Variants in WARS2 observed in about 807,000 individuals in gnomAD.
The protein encoded by WARS2 is tryptophanyl tRNA synthetase 2, mitochondrial, also known as tryptophan--tRNA ligase, mitochondrial.
A neutral mutation model predicts 36.5 loss-of-function variants in WARS2; 28 were observed. The ratio of observed to expected loss-of-function variants is 0.77; its 90% CI spans 0.57 to 1.05. WARS2 has a LOEUF of 1.05. WARS2 is among the 50% of genes least tolerant of loss of function. WARS2 has a pLI of 0.00. For missense variants in WARS2, 435 were observed against 456.8 expected, an observed-to-expected ratio of 0.95 and a Z score of 0.44; for synonymous variants, 174 against 178.4, an observed-to-expected ratio of 0.98 and a Z score of 0.20.
At chr1:119,071,395 A>G (rs2101283216) in intron 2 of WARS2, among the ~76,000 whole-genome samples, 1 of 152,344 alleles carries the variant, frequency 6.6e-6, no homozygotes, top group African/African-American at 2.4e-5. Flanking sequence ...CTGTACTCTC[A>G]TGTTTATTGC....
At chr1:119,042,202 A>G in intron 4 of WARS2, 62 bp downstream of exon 4, 1 of 1,498,484 alleles carries the variant, frequency 6.7e-7, no homozygotes. Context: ...TGTATTGAAT[A>G]GGTTAAAACA....
At chr1:119,079,406 GA>G (rs928704677) in intron 1 of WARS2, among the ~76,000 whole-genome samples, 13 of 150,854 alleles carry the variant, frequency 8.6e-5, no homozygotes, top group East Asian at 1.9e-4. Context: ...AGTCTCAAGA[GA>G]AAAAAAAACC....
At chr1:119,115,990 T>G (rs1654939941) in intron 1 of WARS2, among the ~76,000 whole-genome samples, 1 of 152,192 alleles carries the variant, frequency 6.6e-6, no homozygotes, top group Non-Finnish European at 1.5e-5. Flanking sequence ...AAAGGCTGAT[T>G]TCAGAATTGA....
In WARS2 at chr1:119,137,467, T is replaced by C. The variant is rs12042797; in HGVS notation, c.90+3088A>G. ...CCGCTAATAATGAAACATGTTCAAC[T>C]GCAATAAAATGTGGACACTTTATCA... On this transcript the variant is annotated intron_variant, in intron 1 of 5. Transcript: ENST00000235521. 4.3e-3 allele frequency among the ~76,000 whole-genome samples: 658 copies of C among 152,328 alleles called. 36 individuals are homozygous for C. In the East Asian group the frequency reaches 0.11, roughly 26 times the overall value.
chr1:119,035,294 A>T lies in WARS2; in HGVS notation c.516-1081T>A, dbSNP rs368678339. Among the ~76,000 whole-genome samples the T allele has an allele frequency of 8.5e-5, 13 of 152,298 alleles. No individual in the cohort carries two copies. In the East Asian group the frequency reaches 2.5e-3, roughly 29 times the overall value. ...TTATACCTGATAATACAAGTAATAC[A>T]GTGCGCTGAGGTTTTTTTAATCAAA... On this transcript the variant is annotated intron_variant, in intron 4 of 5. Transcript: ENST00000235521.
intron 1 of WARS2, among the ~76,000 whole-genome samples, chr1:119,079,299 T>G (rs1391125198): frequency 6.6e-6 from 1 of 152,198 alleles, no homozygotes; most frequent in Non-Finnish European, 1.5e-5. Context: ...TCTTGGAACC[T>G]GCTAAAGTGA....
At chr1:119,069,944 A>G (rs1651165455) in intron 2 of WARS2, among the ~76,000 whole-genome samples, 1 of 152,162 alleles carries the variant, frequency 6.6e-6, no homozygotes, top group Non-Finnish European at 1.5e-5. Context: ...GTATGTAGGC[A>G]GGGGACAGAA....
At chr1:119,035,713 C>A (rs1200508610) in intron 4 of WARS2, among the ~76,000 whole-genome samples, 1 of 152,094 alleles carries the variant, frequency 6.6e-6, no homozygotes, top group Non-Finnish European at 1.5e-5. Flanking sequence ...GGGCAGTGAT[C>A]CTGATATGCA....
intron 2 of WARS2, among the ~76,000 whole-genome samples, chr1:119,066,477 C>CAAAAA (rs34709639): frequency 1.9e-3 from 87 of 45,446 alleles, no homozygotes; most frequent in Middle Eastern, 0.012. Flanking sequence ...GGCTCTGTCT[C>CAAAAA]AAAAAAAAAA....
rs587601252 is a variant in WARS2 at position 119,131,435 on chromosome 1, A to T, written c.90+9120T>A. Among the ~76,000 whole-genome samples the T allele has an allele frequency of 2.0e-5, 3 of 149,024 alleles. No individual in the cohort carries two copies. In the South Asian group the frequency reaches 6.5e-4, roughly 32 times the overall value. ...GCAATGGTCTAGAGAGGTATTTTGG[A>T]TCCGGACTGTGCAAAGTTTTTTGTT... On this transcript the variant is annotated intron_variant, in intron 1 of 5. Coordinates refer to ENST00000235521, the MANE Select transcript of WARS2 (RefSeq NM_015836.4).
chr1:119,100,695 CTG>C (rs1197163852), intron 1 of WARS2, among the ~76,000 whole-genome samples: 2 of 152,210 alleles, frequency 1.3e-5, no homozygotes, highest in African/African-American at 4.8e-5. Flanking sequence ...GGGTCTCACT[CTG>C]TCACCCAGGC....
chr1:119,088,870 G>C (rs1557972547), intron 1 of WARS2, among the ~76,000 whole-genome samples: 1 of 152,136 alleles, frequency 6.6e-6, no homozygotes, highest in Non-Finnish European at 1.5e-5. Flanking sequence ...TAGAGATACT[G>C]TTTTTACCCA....
intron 1 of WARS2, among the ~76,000 whole-genome samples, chr1:119,137,697 C>T (rs974336868): frequency 4.6e-5 from 7 of 152,150 alleles, no homozygotes; most frequent in African/African-American, 1.7e-4. Flanking sequence ...TGACTACGCT[C>T]ATCTTGTCAG....
chr1:119,076,282 CA>C, intron 2 of WARS2, 67 bp downstream of exon 2: 1 of 1,570,828 alleles, frequency 6.4e-7, no homozygotes, highest in Non-Finnish European at 8.7e-7. Flanking sequence ...CTGTATGAAC[CA>C]TTCAACATTT....
At chr1:119,056,240 T>C (rs984178841) in intron 2 of WARS2, among the ~76,000 whole-genome samples, 1 of 148,102 alleles carries the variant, frequency 6.8e-6, no homozygotes, top group Non-Finnish European at 1.5e-5. Context: ...TTTTGCCATG[T>C]AGCCCAGGCT....
chr1:119,069,235 TTC>T (rs1285010779), intron 2 of WARS2, among the ~76,000 whole-genome samples: 1 of 152,210 alleles, frequency 6.6e-6, no homozygotes, highest in Non-Finnish European at 1.5e-5. Flanking sequence ...AATAATATTT[TTC>T]TCTAACTCAT....
At chr1:119,117,514 C>T (rs1655050415) in intron 1 of WARS2, among the ~76,000 whole-genome samples, 1 of 152,218 alleles carries the variant, frequency 6.6e-6, no homozygotes, top group Non-Finnish European at 1.5e-5. Flanking sequence ...ACCAATTCAA[C>T]TAATAGCAGA....
At chr1:119,122,494 A>T (rs1022062376) in intron 1 of WARS2, among the ~76,000 whole-genome samples, 1 of 152,230 alleles carries the variant, frequency 6.6e-6, no homozygotes, top group Non-Finnish European at 1.5e-5. Flanking sequence ...AGATTCCTTA[A>T]AGAATTAAAA....
At chr1:119,094,995 A>G (rs921310994) in intron 1 of WARS2, among the ~76,000 whole-genome samples, 11 of 152,228 alleles carry the variant, frequency 7.2e-5, no homozygotes, top group Admixed American at 7.2e-4. Context: ...GAAGCTCTGA[A>G]TGACAGCCTA....
Sources: gnomAD v4.1 joint callset for allele counts (sites outside exome capture counted in the v4.1 genomes callset) on GRCh38, gnomAD v4.1.1 for gene constraint, MANE v1.5 for transcripts, NCBI Gene and HGNC (gene_info 2026-07-23, HGNC 2026-07-21) for gene names.